The following TLE4 variants were observed in gnomAD, a reference collection of about 807,000 sequenced individuals.
TLE4 encodes the protein TLE family member 4, transcriptional corepressor.
Under a neutral mutation model 92.8 loss-of-function variants are expected in TLE4, and 8 were observed. The observed-to-expected ratio is 0.09, with a 90% CI of 0.05 to 0.16. The LOEUF (loss-of-function observed/expected upper bound fraction) is 0.16. Ranked by LOEUF, TLE4 falls within the 10% of genes least tolerant of loss-of-function variation. The pLI, the probability that TLE4 is intolerant of heterozygous loss-of-function variation, is 1.00. For missense variants in TLE4, 675 were observed against 997.6 expected (o/e 0.68, Z 4.36); for synonymous variants, 371 against 374.1 (o/e 0.99, Z 0.10).
chr9:79,595,733 A>T (rs552085600), intron 4 of TLE4, among the ~76,000 whole-genome samples: 15 of 152,332 alleles, frequency 9.8e-5, no homozygotes, highest in African/African-American at 3.4e-4. Flanking sequence ...AGCTTCTTAC[A>T]GAAGCTGTAA....
intron 6 of TLE4, among the ~76,000 whole-genome samples, chr9:79,649,271 T>TACACACAC (rs61394180): frequency 2.7e-5 from 4 of 147,356 alleles, no homozygotes; most frequent in East Asian, 2.0e-4. Flanking sequence ...CATACATACA[T>TACACACAC]ACACACACAC....
At chr9:79,618,958 A>G (rs906923892) in intron 5 of TLE4, among the ~76,000 whole-genome samples, 1 of 152,230 alleles carries the variant, frequency 6.6e-6, no homozygotes, top group Non-Finnish European at 1.5e-5. Flanking sequence ...TTCCATTTTT[A>G]TACTTATTTT....
rs2076322451 is a variant in TLE4, at chr9:79,725,720, G to A, written c.*576G>A. 1.3e-5 allele frequency: 2 copies of A among 152,600 alleles called. No individual in the cohort carries two copies. Among genetic ancestry groups the A allele is most frequent in the Non-Finnish European group, 2.9e-5 (2 of 68,128 alleles). The allele number at this position is 152,600 out of a possible 1,614,324, so 9.5% of individuals were successfully genotyped here. On this transcript the variant is annotated 3_prime_UTR_variant, in exon 20 of 20. Coordinates refer to ENST00000376552, the MANE Select transcript of TLE4 (RefSeq NM_007005.6). The stretch of plus-strand genomic sequence containing the variant: ...TCTTTTAAAGACTTTTGGAAATTTG[G>A]CTGAACAATTAGAACACAACAGGCC...
chr9:79,683,068 GA>G (rs1025977471), intron 8 of TLE4, among the ~76,000 whole-genome samples: 41 of 152,216 alleles, frequency 2.7e-4, no homozygotes, highest in African/African-American at 9.1e-4. Context: ...AGTAAACAAA[GA>G]AAAAAATGTA....
At chr9:79,662,728 G>T (rs142062533) in intron 8 of TLE4, among the ~76,000 whole-genome samples, 1 of 152,092 alleles carries the variant, frequency 6.6e-6, no homozygotes, top group Admixed American at 6.5e-5. Context: ...AAGGGGCCCC[G>T]GGTTCCTGTC....
intron 8 of TLE4, among the ~76,000 whole-genome samples, chr9:79,662,752 G>A (rs891361527): frequency 4.6e-5 from 7 of 152,146 alleles, no homozygotes; most frequent in Non-Finnish European, 7.3e-5. Context: ...CAGGAAACCC[G>A]TGCCACAAAA....
At chr9:79,712,847 T>C (rs1237401436) in intron 14 of TLE4, among the ~76,000 whole-genome samples, 2 of 152,232 alleles carry the variant, frequency 1.3e-5, no homozygotes, top group Non-Finnish European at 2.9e-5. Flanking sequence ...ATCACGGTAC[T>C]AATTGTATGA....
chr9:79,662,414 C>T (rs1245291984), intron 8 of TLE4, among the ~76,000 whole-genome samples: 1 of 152,130 alleles, frequency 6.6e-6, no homozygotes, highest in African/African-American at 2.4e-5. Context: ...TTTATTGCTC[C>T]TTATGGTCAT....
At chr9:79,719,468 C>G (rs570734375) in intron 15 of TLE4, among the ~76,000 whole-genome samples, 2 of 152,116 alleles carry the variant, frequency 1.3e-5, no homozygotes, top group Non-Finnish European at 2.9e-5. Context: ...ATAAGATTCC[C>G]GTAACCTCAT....
In TLE4 at chr9:79,630,978, G is replaced by GA. The variant is rs1005498635; in HGVS notation, c.390+3539dup. 8.0e-5 allele frequency among the ~76,000 whole-genome samples: 12 copies of GA among 150,380 alleles called. 1 individual carries two copies. The highest frequency in any genetic ancestry group is 6.8e-3 in the Middle Eastern group (2 of 292). ...CCCACTTTTTAAACCTAATTCTGAGGAAAAAAAAATGATAGAAATGTATGC... is the reference window on the plus strand; with the variant it reads ...CCCACTTTTTAAACCTAATTCTGAGGAAAAAAAAAATGATAGAAATGTATGC... On this transcript the variant is annotated intron_variant, in intron 6 of 19. Coordinates refer to ENST00000376552, the MANE Select transcript of TLE4 (RefSeq NM_007005.6).
intron 4 of TLE4, among the ~76,000 whole-genome samples, chr9:79,583,097 A>G (rs1055492733): frequency 6.6e-6 from 1 of 152,084 alleles, no homozygotes; most frequent in Non-Finnish European, 1.5e-5. Flanking sequence ...GTTGTTTTCT[A>G]TCTATGGAGA....
chr9:79,718,818 C>T lies in TLE4; in HGVS notation c.1437C>T (p.Arg479=). Reference sequence around the variant, plus strand: ...GACCTGGAATCCCCCGGCATGCTCGCCAGATCAACACCCTCAACCACGGGG... The same window carrying T: ...GACCTGGAATCCCCCGGCATGCTCGTCAGATCAACACCCTCAACCACGGGG... ...LIGPGIPRHA[R]QINTLNHGEV... The change falls in exon 15 of 20, where the codon CGC becomes CGT. Residue 479 remains arginine, a synonymous_variant. Transcript: ENST00000376552. 1 of 1,614,190 alleles carries T rather than the reference C, an allele frequency of 6.2e-7. No homozygotes were observed. The highest frequency in any genetic ancestry group is 8.5e-7 in the Non-Finnish European group (1 of 1,180,040).
At chr9:79,649,923 G>GTTTT in intron 6 of TLE4, 1 of 1,199,348 alleles carries the variant, frequency 8.3e-7, no homozygotes, top group South Asian at 1.4e-5. Flanking sequence ...TTTGTTTTTT[G>GTTTT]TTTTTTTTTT....
intron 8 of TLE4, among the ~76,000 whole-genome samples, chr9:79,703,496 G>T (rs931807616): frequency 1.3e-5 from 2 of 152,172 alleles, no homozygotes; most frequent in African/African-American, 4.8e-5. Flanking sequence ...CTTCATCCAT[G>T]ATTTTAAGCT....
chr9:79,723,392 CTT>C (rs1042358432), intron 19 of TLE4, among the ~76,000 whole-genome samples: 2 of 152,132 alleles, frequency 1.3e-5, no homozygotes, highest in African/African-American at 4.8e-5. Flanking sequence ...TAAATACACT[CTT>C]GTTAGTAGTA....
chr9:79,700,225 C>T (rs187152514), intron 8 of TLE4, among the ~76,000 whole-genome samples: 342 of 152,332 alleles, frequency 2.2e-3, no homozygotes, highest in Non-Finnish European at 3.5e-3. Context: ...ACATCCCTTA[C>T]GGCTATTAAG....
intron 8 of TLE4, among the ~76,000 whole-genome samples, chr9:79,689,424 C>T (rs765830667): frequency 4.0e-5 from 6 of 151,792 alleles, no homozygotes; most frequent in Non-Finnish European, 2.9e-5. Flanking sequence ...GTATCCTTGG[C>T]TTTTACCACA....
chr9:79,718,829 C>G lies in TLE4; in HGVS notation c.1448C>G (p.Thr483Ser). The G allele has an allele frequency of 2.5e-6, 4 of 1,614,182 alleles. No homozygotes were observed. Among genetic ancestry groups the G allele is most frequent in the Non-Finnish European group, 3.4e-6 (4 of 1,180,038 alleles). ...GIPRHARQIN[T>S]LNHGEVVCAV... Reference sequence around the variant, plus strand: ...CCCCGGCATGCTCGCCAGATCAACACCCTCAACCACGGGGAGGTGGTGTGC... The same window carrying G: ...CCCCGGCATGCTCGCCAGATCAACAGCCTCAACCACGGGGAGGTGGTGTGC... The change falls in exon 15 of 20, where the codon ACC becomes AGC. Residue 483 changes from threonine to serine, a missense_variant. Around this residue, in one of 5 missense-constraint regions of TLE4, gnomAD observed 119 missense variants for 175.9 expected, o/e 0.68. Transcript: ENST00000376552.
In TLE4 at chr9:79,709,523, A is replaced by G; in HGVS notation, c.1264-100A>G. ...TATATCTCTAAAACCTTATTTTTAAAGGATCTATTCTCCCAGGTTTTAGAA... is the reference window on the plus strand; with the variant it reads ...TATATCTCTAAAACCTTATTTTTAAGGGATCTATTCTCCCAGGTTTTAGAA... On this transcript the variant is annotated intron_variant, in intron 13 of 19. Coordinates refer to ENST00000376552, the MANE Select transcript of TLE4 (RefSeq NM_007005.6). 2.8e-5 allele frequency: 26 copies of G among 945,080 alleles called. No homozygotes were observed. The South Asian group carries it at 4.0e-4, about 14-fold the overall frequency. The allele number at this position is 945,080 out of a possible 1,614,324, so 58.5% of individuals were successfully genotyped here. A position where few individuals can be genotyped will look rare whatever the true frequency, so the allele number is the denominator to read the frequency against.
Sources: gnomAD v4.1 joint callset for allele counts (sites outside exome capture counted in the v4.1 genomes callset) on GRCh38, gnomAD v4.1.1 for gene constraint, gnomAD v4.1.1 regional missense constraint, MANE v1.5 for transcripts, NCBI Gene and HGNC (gene_info 2026-07-23, HGNC 2026-07-21) for gene names.